The following NCAM2 variants were observed in gnomAD, a reference collection of about 807,000 sequenced individuals.
NCAM2 encodes the protein neural cell adhesion molecule 2, also known as N-CAM-2.
In NCAM2, 30 loss-of-function variants were observed where a neutral mutation model predicts 98.1. The ratio of observed to expected loss-of-function variants is 0.31; its 90% CI spans 0.23 to 0.41. The LOEUF (loss-of-function observed/expected upper bound fraction) is 0.41, where lower values mean the gene tolerates loss of function less well. NCAM2 is among the 10% of genes least tolerant of loss of function. The pLI is 1.00. For synonymous variants in NCAM2, 368 were observed against 342.4 expected (o/e 1.07, Z -0.83); for missense variants, 867 against 1,005.8 (o/e 0.86, Z 1.87).
At chr21:21,505,185 T>C (rs1361128162) in intron 15 of NCAM2, among the ~76,000 whole-genome samples, 1 of 152,094 alleles carries the variant, frequency 6.6e-6, no homozygotes, top group Non-Finnish European at 1.5e-5. Context: ...ATTAGTATTT[T>C]AGCAATTCTT....
chr21:21,088,454 C>T (rs2065945186), intron 1 of NCAM2, among the ~76,000 whole-genome samples: 2 of 152,090 alleles, frequency 1.3e-5, no homozygotes, highest in Admixed American at 1.3e-4. Context: ...TTCATTACAT[C>T]TAGTGAGAAT....
At chr21:21,222,980 A>T (rs4419310) in intron 1 of NCAM2, among the ~76,000 whole-genome samples, 13,262 of 152,212 alleles carry the variant, frequency 0.087, 1,071 homozygotes, top group East Asian at 0.34. Flanking sequence ...CTCTCTGATC[A>T]GTCTGCAGCC....
chr21:21,143,822 C>T (rs1415432883), intron 1 of NCAM2, among the ~76,000 whole-genome samples: 4 of 84,912 alleles, frequency 4.7e-5, no homozygotes, highest in Admixed American at 1.2e-4. Flanking sequence ...TTTTTTTTTC[C>T]AGCAGTTATT....
chr21:21,019,980 A>G (rs1281154449), intron 1 of NCAM2, among the ~76,000 whole-genome samples: 1 of 152,150 alleles, frequency 6.6e-6, no homozygotes, highest in Non-Finnish European at 1.5e-5. Context: ...GACTAACTGC[A>G]TAAATCCTGA....
intron 1 of NCAM2, among the ~76,000 whole-genome samples, chr21:21,037,155 A>G (rs1258567336): frequency 6.6e-6 from 1 of 152,126 alleles, no homozygotes; most frequent in Non-Finnish European, 1.5e-5. Context: ...CAGTCTCCCT[A>G]ATAGCTGGAA....
intron 1 of NCAM2, among the ~76,000 whole-genome samples, chr21:21,075,270 G>A (rs1175683358): frequency 2.6e-5 from 4 of 151,990 alleles, no homozygotes; most frequent in African/African-American, 9.7e-5. Context: ...AAACCACCAT[G>A]GTATGTGTAT....
chr21:21,497,254 T>C (rs1282408983), intron 15 of NCAM2, among the ~76,000 whole-genome samples: 1 of 152,104 alleles, frequency 6.6e-6, no homozygotes, highest in Non-Finnish European at 1.5e-5. Flanking sequence ...TCAAGCTGTG[T>C]GCTCGCTATC....
chr21:21,232,619 A>G (rs1256989448), intron 1 of NCAM2, among the ~76,000 whole-genome samples: 1 of 151,676 alleles, frequency 6.6e-6, no homozygotes, highest in Non-Finnish European at 1.5e-5. Flanking sequence ...GGGAAAAATA[A>G]CATCCATTAA....
At chr21:21,355,207 A>G (rs2075437527) in intron 8 of NCAM2, among the ~76,000 whole-genome samples, 2 of 151,986 alleles carry the variant, frequency 1.3e-5, no homozygotes, top group Admixed American at 1.3e-4. Context: ...GCTTAGGCAC[A>G]TGGATCGCAT....
chr21:21,209,882 C>G (rs1286659950), intron 1 of NCAM2, among the ~76,000 whole-genome samples: 1 of 152,092 alleles, frequency 6.6e-6, no homozygotes, highest in African/African-American at 2.4e-5. Flanking sequence ...CCCCCAAAGA[C>G]AGTAACATGG....
intron 1 of NCAM2, among the ~76,000 whole-genome samples, chr21:21,099,234 G>A (rs2066187984): frequency 6.6e-6 from 1 of 151,884 alleles, no homozygotes; most frequent in South Asian, 2.1e-4. Flanking sequence ...AAATGGTACT[G>A]AGGTTTATAC....
At chr21:21,377,374 A>T (rs1174262401) in intron 9 of NCAM2, among the ~76,000 whole-genome samples, 1 of 151,848 alleles carries the variant, frequency 6.6e-6, no homozygotes, top group Non-Finnish European at 1.5e-5. Flanking sequence ...TCTACTTTTG[A>T]TCACTACAAT....
chr21:21,266,494 G>A (rs550314857), intron 1 of NCAM2, among the ~76,000 whole-genome samples: 3 of 152,176 alleles, frequency 2.0e-5, no homozygotes, highest in Admixed American at 6.6e-5. Flanking sequence ...AATGGTAGAC[G>A]TATTAAGAAA....
At chr21:21,245,369 G>T (rs73896626) in intron 1 of NCAM2, among the ~76,000 whole-genome samples, 3 of 152,180 alleles carry the variant, frequency 2.0e-5, no homozygotes, top group African/African-American at 7.2e-5. Context: ...ATATGTGTTC[G>T]ACCCTTCTTT....
At chr21:21,504,119 C>G (rs1285136300) in intron 15 of NCAM2, among the ~76,000 whole-genome samples, 1 of 151,718 alleles carries the variant, frequency 6.6e-6, no homozygotes, top group East Asian at 1.9e-4. Flanking sequence ...TTATCCATAT[C>G]TTTTCATTAC....
rs575478985 is a variant in NCAM2, at chr21:21,053,829, T to C, written c.55+55211T>C. ...GTTGTTCTTTTTCTACTTACTTATA[T>C]GTATATACATACATATATACATTCA... On this transcript the variant is annotated intron_variant, in intron 1 of 17. Transcript: ENST00000400546. Among the ~76,000 whole-genome samples the C allele has an allele frequency of 4.0e-5, 6 of 151,858 alleles. No individual in the cohort carries two copies. The South Asian group carries it at 8.3e-4, about 21-fold the overall frequency.
chr21:21,537,769 A>C (rs1990060555), intron 17 of NCAM2, 77 bp from the exon 18 acceptor site: 1 of 655,262 alleles, frequency 1.5e-6, no homozygotes, highest in African/African-American at 1.9e-5. Context: ...TTTTCCTTAC[A>C]AAACAGTAAC....
chr21:21,298,536 A>G lies in NCAM2; in HGVS notation c.619+6295A>G, dbSNP rs2073576124. On this transcript the variant is annotated intron_variant, in intron 5 of 17. Transcript: ENST00000400546. ...ATCTTTTTCTCCTTATCTCTTATAT[A>G]ACTGTTACTTCAGAAATTTTTAGTT... 4.0e-5 allele frequency among the ~76,000 whole-genome samples: 6 copies of G among 151,504 alleles called. 1 individual carries two copies. The Admixed American group carries it at 4.0e-4, about 10-fold the overall frequency.
At chr21:21,318,600 A>C (rs1364955811) in intron 5 of NCAM2, among the ~76,000 whole-genome samples, 1 of 152,230 alleles carries the variant, frequency 6.6e-6, no homozygotes, top group African/African-American at 2.4e-5. Context: ...GTTAGTATAG[A>C]AAATTGTATA....
Sources: gnomAD v4.1 joint callset for allele counts (sites outside exome capture counted in the v4.1 genomes callset) on GRCh38, gnomAD v4.1.1 for gene constraint, MANE v1.5 for transcripts, NCBI Gene and HGNC (gene_info 2026-07-23, HGNC 2026-07-21) for gene names.